The following ANK3 variants were observed in gnomAD, a reference collection of about 807,000 sequenced individuals.
The protein encoded by ANK3 is ankyrin 3.
A neutral mutation model predicts 370.9 loss-of-function variants in ANK3; 57 were observed. The observed-to-expected ratio is 0.15, with a 90% CI of 0.12 to 0.19. The LOEUF is 0.19. Ranked by LOEUF, ANK3 falls within the 10% of genes least tolerant of loss-of-function variation. The probability of loss-of-function intolerance (pLI) is 1.00; values close to 1 mark genes in which losing one functional copy is unlikely to be tolerated. For missense variants in ANK3, 4,439 were observed against 5,302.1 expected (o/e 0.84, Z 5.06); for synonymous variants, 1,929 against 1,946.3 (o/e 0.99, Z 0.23).
At chr10:60,666,668 C>T (rs2079000192) in intron 1 of ANK3, among the ~76,000 whole-genome samples, 1 of 152,044 alleles carries the variant, frequency 6.6e-6, no homozygotes, top group Non-Finnish European at 1.5e-5. Context: ...GCATATATTA[C>T]CTATTCAAAA....
intron 23 of ANK3, among the ~76,000 whole-genome samples, chr10:60,164,401 T>C (rs867582636): frequency 2.2e-4 from 33 of 151,884 alleles, no homozygotes; most frequent in African/African-American, 7.2e-4. Flanking sequence ...TCACCTCAAC[T>C]TGAGATGGCA....
chr10:60,120,423 A>G (rs1013801656), intron 25 of ANK3, among the ~76,000 whole-genome samples: 1 of 152,204 alleles, frequency 6.6e-6, no homozygotes, highest in African/African-American at 2.4e-5. Flanking sequence ...TTCTTGAGTA[A>G]TACCCCACAA....
chr10:60,200,485 C>G (rs1395340281), intron 12 of ANK3, among the ~76,000 whole-genome samples: 9 of 152,114 alleles, frequency 5.9e-5, no homozygotes, highest in African/African-American at 2.2e-4. Context: ...AATGTGGCCT[C>G]CCTCAGGGCT....
chr10:60,593,846 T>TGGG (rs1439450819), intron 2 of ANK3, among the ~76,000 whole-genome samples: 1 of 152,174 alleles, frequency 6.6e-6, no homozygotes, highest in African/African-American at 2.4e-5. Context: ...GGTATCTACA[T>TGGG]GGGTTTCTGT....
chr10:60,248,957 G>T (rs2097599593), intron 7 of ANK3, among the ~76,000 whole-genome samples: 2 of 152,096 alleles, frequency 1.3e-5, no homozygotes, highest in African/African-American at 4.8e-5. Flanking sequence ...CCAGCCAAAA[G>T]GAAACAGCAT....
At chr10:60,062,878 C>T (rs1321898894) in intron 40 of ANK3, 1 of 331,918 alleles carries the variant, frequency 3.0e-6, no homozygotes, top group African/African-American at 2.1e-5. Context: ...CTTTCAGATA[C>T]CTTAGGCGTT....
chr10:60,390,392 G>A (rs2062993142), upstream of ANK3, among the ~76,000 whole-genome samples: 1 of 152,108 alleles, frequency 6.6e-6, no homozygotes, highest in South Asian at 2.1e-4. Flanking sequence ...CCTCTCATGG[G>A]GTCTGAGGGT....
rs563378698 is a variant in ANK3 at position 60,728,263 on chromosome 10, C to A, written c.57+5000G>T. Among the ~76,000 whole-genome samples the A allele has an allele frequency of 8.7e-4, 133 of 152,288 alleles. 1 individual carries two copies. Among genetic ancestry groups the A allele is most frequent in the African/African-American group, 2.9e-3 (122 of 41,562 alleles). On this transcript the variant is annotated intron_variant, in intron 1 of 43. Coordinates refer to the ANK3 transcript ENST00000373827. ...CGGGAAATGTTTCCGTTCTTCTACA[C>A]CCAAGTCCTTGTTTTTTGGTGAGTG...
chr10:60,400,370 T>C (rs2063329626), intron 2 of ANK3, among the ~76,000 whole-genome samples: 1 of 152,224 alleles, frequency 6.6e-6, no homozygotes, highest in South Asian at 2.1e-4. Flanking sequence ...CCAAAATCTT[T>C]TACAAGTCTT....
intron 2 of ANK3, 138 bp downstream of exon 2, chr10:60,279,399 TA>T: frequency 1.3e-6 from 1 of 743,406 alleles, no homozygotes; most frequent in Non-Finnish European, 2.3e-6. Flanking sequence ...AATGTTCCTC[TA>T]ACAGAGAATA....
intron 2 of ANK3, among the ~76,000 whole-genome samples, chr10:60,549,490 A>G (rs2077043220): frequency 6.6e-6 from 1 of 152,054 alleles, no homozygotes; most frequent in South Asian, 2.1e-4. Context: ...CCTTACTTCT[A>G]CCTCTGGGAA....
intron 1 of ANK3, among the ~76,000 whole-genome samples, chr10:60,350,256 G>A (rs2056572812): frequency 6.6e-6 from 1 of 152,162 alleles, no homozygotes; most frequent in African/African-American, 2.4e-5. Context: ...GAGCAAAATG[G>A]TAGCTAAAGG....
At chr10:60,454,617 T>G (rs1359938218) in intron 2 of ANK3, among the ~76,000 whole-genome samples, 1 of 152,108 alleles carries the variant, frequency 6.6e-6, no homozygotes, top group Admixed American at 6.6e-5. Flanking sequence ...TAGGCCACCC[T>G]TTGGCTCTGC....
At chr10:60,205,599 C>A (rs539712031) in intron 11 of ANK3, among the ~76,000 whole-genome samples, 193 bp downstream of exon 11, 1 of 152,298 alleles carries the variant, frequency 6.6e-6, no homozygotes, top group Admixed American at 6.5e-5. Flanking sequence ...ACATTTGCAT[C>A]AAACTCACCC....
rs186135325 is a variant in ANK3 at position 60,450,331 on chromosome 10, G to A, written c.96+164855C>T. Among the ~76,000 whole-genome samples the A allele has an allele frequency of 1.3e-3, 191 of 152,184 alleles. 1 individual carries two copies. Among genetic ancestry groups the A allele is most frequent in the African/African-American group, 4.5e-3 (185 of 41,524 alleles). On this transcript the variant is annotated intron_variant, in intron 2 of 43. Transcript: ENST00000373827. ...TATATAGAGAGAATGAACAAGCTCTGATTTGCGGTGTTTGCCACTTTCCAT... is the reference window on the plus strand; with the variant it reads ...TATATAGAGAGAATGAACAAGCTCTAATTTGCGGTGTTTGCCACTTTCCAT...
intron 8 of ANK3, among the ~76,000 whole-genome samples, chr10:60,221,315 G>A (rs1238356330): frequency 1.3e-5 from 2 of 152,056 alleles, no homozygotes; most frequent in East Asian, 1.9e-4. Context: ...CCTGACCTCA[G>A]GTGATCCTCC....
At chr10:60,146,554 T>C (rs956117383) in intron 23 of ANK3, among the ~76,000 whole-genome samples, 2 of 152,152 alleles carry the variant, frequency 1.3e-5, no homozygotes, top group African/African-American at 2.4e-5. Context: ...AGTAGCATAA[T>C]CTTGGCTCAC....
chr10:60,658,070 C>A (rs1051982515), intron 1 of ANK3, among the ~76,000 whole-genome samples: 1 of 149,164 alleles, frequency 6.7e-6, no homozygotes, highest in African/African-American at 2.5e-5. Flanking sequence ...CTTTTATTGC[C>A]AATGTAATTG....
chr10:60,060,136 T>C, intron 40 of ANK3: 1 of 685,602 alleles, frequency 1.5e-6, no homozygotes, highest in East Asian at 2.9e-5. Flanking sequence ...TCAATAAATT[T>C]ATCGGTTTAG....
Sources: gnomAD v4.1 joint callset for allele counts (sites outside exome capture counted in the v4.1 genomes callset) on GRCh38, gnomAD v4.1.1 for gene constraint, MANE v1.5 for transcripts, NCBI Gene and HGNC (gene_info 2026-07-23, HGNC 2026-07-21) for gene names.